The following TRDN variants were observed in gnomAD, a reference collection of about 807,000 sequenced individuals.
TRDN encodes triadin.
A neutral mutation model predicts 149.7 loss-of-function variants in TRDN; 161 were observed. The ratio of observed to expected loss-of-function variants is 1.08; its 90% confidence interval spans 0.95 to 1.23. The LOEUF is 1.23. Among genes scored for constraint, TRDN ranks in the 50% most tolerant of loss-of-function variants. TRDN has a pLI of 0.00. For synonymous variants in TRDN, 294 were observed against 250.5 expected (o/e 1.17, Z -1.64); for missense variants, 896 against 823.5 (o/e 1.09, Z -1.08).
intron 38 of TRDN, among the ~76,000 whole-genome samples, chr6:123,236,401 G>A (rs1158945413): frequency 6.6e-6 from 1 of 152,006 alleles, no homozygotes; most frequent in Non-Finnish European, 1.5e-5. Context: ...AAAACACAAG[G>A]CCTTTGTTGG....
intron 38 of TRDN, among the ~76,000 whole-genome samples, chr6:123,228,007 T>C (rs1258530199): frequency 1.5e-5 from 2 of 130,394 alleles, no homozygotes; most frequent in Non-Finnish European, 3.6e-5. Context: ...ACACCTGCTA[T>C]GTGCCAGCCA....
intron 24 of TRDN, among the ~76,000 whole-genome samples, chr6:123,308,629 A>G (rs777035291): frequency 5.4e-4 from 82 of 152,006 alleles, no homozygotes; most frequent in Non-Finnish European, 9.9e-4. Context: ...GAAAATCTCT[A>G]TGTAGAGTCT....
At chr6:123,430,590 A>C (rs1239213905) in intron 12 of TRDN, among the ~76,000 whole-genome samples, 1 of 151,950 alleles carries the variant, frequency 6.6e-6, no homozygotes, top group Non-Finnish European at 1.5e-5. Context: ...CAAAAAAATA[A>C]ATATAATATA....
intron 9 of TRDN, among the ~76,000 whole-genome samples, chr6:123,483,693 T>G (rs561912653): frequency 3.3e-5 from 5 of 152,190 alleles, no homozygotes; most frequent in African/African-American, 4.8e-5. Flanking sequence ...TGCCTTATAT[T>G]ATTCATTGTT....
At chr6:123,535,458 T>G (rs933083216) in intron 4 of TRDN, among the ~76,000 whole-genome samples, 1 of 152,162 alleles carries the variant, frequency 6.6e-6, no homozygotes, top group East Asian at 1.9e-4. Context: ...GAGGAAAAAG[T>G]AGTATCTCCT....
intron 12 of TRDN, among the ~76,000 whole-genome samples, chr6:123,398,587 C>A (rs971536116): frequency 6.6e-6 from 1 of 152,004 alleles, no homozygotes; most frequent in Non-Finnish European, 1.5e-5. Context: ...ATAGATAGTA[C>A]CAAAATAGAG....
intron 4 of TRDN, among the ~76,000 whole-genome samples, chr6:123,540,110 T>C (rs1055113489): frequency 6.6e-6 from 1 of 152,236 alleles, no homozygotes; most frequent in Admixed American, 6.5e-5. Flanking sequence ...TTCCCCATGC[T>C]AACCCACCCT....
At chr6:123,400,167 G>GTGTGTATATATATA (rs1554232309) in intron 12 of TRDN, among the ~76,000 whole-genome samples, 1 of 123,396 alleles carries the variant, frequency 8.1e-6, no homozygotes, top group Non-Finnish European at 1.7e-5. Context: ...ATATGTATGT[G>GTGTGTATATATATA]TATATATATA....
In TRDN at chr6:123,252,231, CAT is replaced by C. The variant is rs1402159773; in HGVS notation, c.1975+179_1975+180del. Among the ~76,000 whole-genome samples, 3 of 151,550 alleles carry C rather than the reference CAT, an allele frequency of 2.0e-5. No individual in the cohort carries two copies. In the Admixed American group the frequency reaches 2.0e-4, roughly 10 times the overall value. On this transcript the variant is annotated intron_variant, in intron 38 of 40. Coordinates refer to ENST00000334268, the MANE Select transcript of TRDN (RefSeq NM_006073.4). ...TGTTACAAGTTGTAATTTCAAATAACATAGTTTTTTTTTTAAGTTTCAACGTA... is the reference window on the plus strand; with the variant it reads ...TGTTACAAGTTGTAATTTCAAATAACAGTTTTTTTTTTAAGTTTCAACGTA...
At chr6:123,331,301 G>C (rs576394100) in intron 23 of TRDN, among the ~76,000 whole-genome samples, 105 of 152,112 alleles carry the variant, frequency 6.9e-4, no homozygotes, top group Non-Finnish European at 8.8e-4. Flanking sequence ...ATGCAACATG[G>C]CACATTAGAA....
intron 1 of TRDN, among the ~76,000 whole-genome samples, chr6:123,616,591 C>T (rs1407473877): frequency 1.3e-5 from 2 of 151,786 alleles, no homozygotes; most frequent in South Asian, 2.1e-4. Flanking sequence ...GATTTCTTAC[C>T]ACTTACAATT....
At chr6:123,371,647 T>C (rs1021157452) in intron 19 of TRDN, among the ~76,000 whole-genome samples, 1 of 152,178 alleles carries the variant, frequency 6.6e-6, no homozygotes. Context: ...TTTACTTCTG[T>C]CAGTATTCAT....
chr6:123,567,996 T>C (rs774693092), intron 2 of TRDN, among the ~76,000 whole-genome samples: 8 of 152,118 alleles, frequency 5.3e-5, no homozygotes, highest in African/African-American at 9.7e-5. Flanking sequence ...CTTCCACCTA[T>C]GAGCCTGTAA....
chr6:123,229,860 T>C (rs912224986), intron 38 of TRDN, among the ~76,000 whole-genome samples: 4 of 151,994 alleles, frequency 2.6e-5, no homozygotes, highest in African/African-American at 7.2e-5. Flanking sequence ...GTAGGTTTGA[T>C]AAGTGAATTC....
At chr6:123,473,253 G>T (rs1777280434) in intron 9 of TRDN, among the ~76,000 whole-genome samples, 1 of 152,112 alleles carries the variant, frequency 6.6e-6, no homozygotes, top group Non-Finnish European at 1.5e-5. Flanking sequence ...GCTTAAAGGA[G>T]CTGATGGAGC....
chr6:123,314,548 G>A (rs12206058), intron 24 of TRDN, among the ~76,000 whole-genome samples: 76,573 of 151,874 alleles, frequency 0.5, 20,432 homozygotes, highest in Non-Finnish European at 0.61. Context: ...GCACACATAT[G>A]TTCATTGCAG....
intron 38 of TRDN, among the ~76,000 whole-genome samples, chr6:123,239,507 G>A (rs187062798): frequency 1.2e-4 from 19 of 152,150 alleles, no homozygotes; most frequent in Non-Finnish European, 2.8e-4. Flanking sequence ...TAGTTCACAA[G>A]ATAAACACTG....
chr6:123,586,074 T>A (rs1301697591), intron 1 of TRDN, among the ~76,000 whole-genome samples: 1 of 151,948 alleles, frequency 6.6e-6, no homozygotes, highest in Non-Finnish European at 1.5e-5. Context: ...GCCAAACGAG[T>A]CATGAACTGG....
At chr6:123,531,704 A>C (rs1170217589) in intron 4 of TRDN, among the ~76,000 whole-genome samples, 3 of 152,066 alleles carry the variant, frequency 2.0e-5, no homozygotes, top group Non-Finnish European at 4.4e-5. Context: ...ACAATTCTCC[A>C]AAATGTAAGG....
Sources: allele counts gnomAD v4.1 joint callset (sites outside exome capture counted in the v4.1 genomes callset), GRCh38; gene constraint gnomAD v4.1.1; transcripts MANE v1.5; gene names NCBI Gene and HGNC (gene_info 2026-07-23, HGNC 2026-07-21).